The following HDGF variants were observed in gnomAD, a reference collection of about 807,000 sequenced individuals.
The protein encoded by HDGF is hepatoma-derived growth factor.
HDGF carries 5 observed loss-of-function variants against 30.0 expected under a neutral mutation model. The observed-to-expected ratio is 0.17, with a 90% confidence interval of 0.09 to 0.35. The LOEUF (loss-of-function observed/expected upper bound fraction) is 0.35, where lower values mean the gene tolerates loss of function less well. HDGF is among the 10% of genes least tolerant of loss of function. The pLI, the probability that HDGF is intolerant of heterozygous loss-of-function variation, is 1.00. For missense variants in HDGF, 214 were observed against 302.8 expected, an observed-to-expected ratio of 0.71 and a Z score of 2.18; for synonymous variants, 133 against 112.7, an observed-to-expected ratio of 1.18 and a Z score of -1.14.
intron 1 of HDGF, among the ~76,000 whole-genome samples, chr1:156,764,366 T>G (rs1200954641): frequency 6.6e-6 from 1 of 151,930 alleles, no homozygotes; most frequent in Non-Finnish European, 1.5e-5. Flanking sequence ...GTAGCTGCTT[T>G]TTGTATTTTT....
chr1:156,744,531 C>G, intron 3 of HDGF, 183 bp from the exon 4 acceptor site: 1 of 1,556,840 alleles, frequency 6.4e-7, no homozygotes, highest in Non-Finnish European at 8.6e-7. Flanking sequence ...GGTAAACCCA[C>G]TGGCCGGGCA....
chr1:156,751,941 T>G, upstream of HDGF: 1 of 1,152,324 alleles, frequency 8.7e-7, no homozygotes, highest in Non-Finnish European at 1.2e-6. The surrounding 1 kb of genome is among the most constrained non-coding windows in gnomAD (Gnocchi z 4.7). Flanking sequence ...AGGCTTTGTG[T>G]GCCCGCGGTC....
chr1:156,766,240 C>T (rs1277203704), intron 1 of HDGF, among the ~76,000 whole-genome samples: 2 of 152,196 alleles, frequency 1.3e-5, no homozygotes, highest in Admixed American at 1.3e-4. Context: ...TTCACTGTCT[C>T]TCTGCATTGT....
At chr1:156,758,405 C>G (rs1651186833) in intron 2 of HDGF, among the ~76,000 whole-genome samples, 1 of 151,868 alleles carries the variant, frequency 6.6e-6, no homozygotes, top group Non-Finnish European at 1.5e-5. Context: ...TCCTGGCTAA[C>G]ACGGTGAAAC....
intron 1 of HDGF, chr1:156,750,878 A>C (rs1333755676): frequency 2.0e-5 from 3 of 151,878 alleles, no homozygotes; most frequent in African/African-American, 7.3e-5. Context: ...CCATTTATCC[A>C]CGAAGAGAAG....
At chr1:156,756,018 A>G (rs1002651174), upstream of HDGF, among the ~76,000 whole-genome samples, 9 of 152,222 alleles carry the variant, frequency 5.9e-5, no homozygotes, top group African/African-American at 1.9e-4. Context: ...TGGGAGGCCA[A>G]GGTGGGCAGA....
chr1:156,744,586 A>G, intron 3 of HDGF: 2 of 1,502,456 alleles, frequency 1.3e-6, no homozygotes, highest in Non-Finnish European at 1.8e-6. Context: ...GCAGGAGGCA[A>G]AACCTCGGGT....
intron 1 of HDGF, among the ~76,000 whole-genome samples, chr1:156,765,000 C>T (rs531631976): frequency 2.4e-4 from 37 of 152,076 alleles, no homozygotes; most frequent in Non-Finnish European, 4.1e-4. Context: ...AATCATTTCT[C>T]TTAGTTCTAA....
chr1:156,763,176 A>T (rs1651283336), intron 1 of HDGF, among the ~76,000 whole-genome samples: 1 of 152,066 alleles, frequency 6.6e-6, no homozygotes, highest in African/African-American at 2.4e-5. Flanking sequence ...GTAGGGTTTT[A>T]GGAGGGAAAC....
chr1:156,757,983 C>T (rs1420218146), intron 2 of HDGF, among the ~76,000 whole-genome samples: 1 of 151,988 alleles, frequency 6.6e-6, no homozygotes. Flanking sequence ...ACTGGAGCTG[C>T]ACATTGGAGT....
Position 156,751,249 on chromosome 1 carries a change from C to T in HDGF, c.87+94G>A. 3 of 1,433,292 alleles carry T rather than the reference C, an allele frequency of 2.1e-6. No individual in the cohort carries two copies. Among genetic ancestry groups the T allele is most frequent in the South Asian group, 1.4e-5 (1 of 73,764 alleles). 88.8% of individuals were successfully genotyped at this position (1,433,292 alleles called of 1,614,324 possible). On this transcript the variant is annotated intron_variant, in intron 1 of 5. Coordinates refer to ENST00000357325, the MANE Select transcript of HDGF (RefSeq NM_004494.3). The surrounding 1 kb of genome is among the most constrained non-coding windows in gnomAD (Gnocchi z 4.7). Reference sequence around the variant, plus strand: ...AGACCTACAAGCCCCCTGCCCCCACCTCTGCCCGCTCCGCGCGGAGCGCTC... The same window carrying T: ...AGACCTACAAGCCCCCTGCCCCCACTTCTGCCCGCTCCGCGCGGAGCGCTC...
chr1:156,751,558 GC>G lies in HDGF; in HGVS notation c.-130del, dbSNP rs1650979774. On this transcript the variant is annotated 5_prime_UTR_variant, in exon 1 of 6. Coordinates refer to ENST00000357325, the MANE Select transcript of HDGF (RefSeq NM_004494.3). The surrounding 1 kb of genome is among the most constrained non-coding windows in gnomAD (Gnocchi z 4.7). ...GCCCCCGCCTCGATGGTGGCCCCCG[GC>G]CCGAGCTCCGGCGCGGCCACGGCGT... 1.0e-6 allele frequency: 1 copy of G among 992,804 alleles called. No homozygotes were observed. Among genetic ancestry groups the G allele is most frequent in the Non-Finnish European group, 1.2e-6 (1 of 834,894 alleles). 61.5% of individuals were successfully genotyped at this position (992,804 alleles called of 1,614,324 possible).
At chr1:156,750,883 G>GAGA (rs147643099) in intron 1 of HDGF, among the ~76,000 whole-genome samples, 6,351 of 151,984 alleles carry the variant, frequency 0.042, 175 homozygotes, top group African/African-American at 0.064. Context: ...TATCCACGAA[G>GAGA]AGAAGAGTTT....
At chr1:156,745,175 A>G in intron 2 of HDGF, 29 bp from the exon 3 acceptor site, 1 of 1,613,696 alleles carries the variant, frequency 6.2e-7, no homozygotes, top group Non-Finnish European at 8.5e-7. Flanking sequence ...CTGTGCTCTC[A>G]AGCCCCTCAC....
intron 1 of HDGF, chr1:156,747,533 A>G (rs1367054864): frequency 6.6e-6 from 1 of 151,442 alleles, no homozygotes; most frequent in Non-Finnish European, 1.5e-5. Flanking sequence ...GCAAAAAACA[A>G]AACGAGCGCC....
chr1:156,757,701 G>A (rs1285250525), intron 2 of HDGF, among the ~76,000 whole-genome samples: 2 of 148,950 alleles, frequency 1.3e-5, no homozygotes, highest in African/African-American at 2.5e-5. Flanking sequence ...GCTGAGGCCC[G>A]ATAATCACTT....
intron 1 of HDGF, 109 bp from the exon 2 acceptor site, chr1:156,745,482 C>T: frequency 1.2e-6 from 1 of 866,400 alleles, no homozygotes; most frequent in Non-Finnish European, 1.8e-6. Context: ...TGAGAGGGAC[C>T]CAGGATAGTC....
chr1:156,745,183 C>A, intron 2 of HDGF, 37 bp from the exon 3 acceptor site: 1 of 1,613,708 alleles, frequency 6.2e-7, no homozygotes, highest in Non-Finnish European at 8.5e-7. Flanking sequence ...TCAAGCCCCT[C>A]ACTGCCCCTG....
rs760700751 is a variant in HDGF, at chr1:156,745,273, T to C, written c.164+24A>G. 6 of 1,612,704 alleles carry C rather than the reference T, an allele frequency of 3.7e-6. No individual in the cohort carries two copies. In the South Asian group the frequency reaches 6.6e-5, roughly 18 times the overall value. On this transcript the variant is annotated intron_variant, in intron 2 of 5. Coordinates refer to ENST00000357325, the MANE Select transcript of HDGF (RefSeq NM_004494.3). ...TAGTCCTCCCGGGGCCCTCCCGACC[T>C]ATACCCCTTTGGCCTCCACTCACGT...
Sources: gnomAD v4.1 joint callset for allele counts (sites outside exome capture counted in the v4.1 genomes callset) on GRCh38, gnomAD v4.1.1 for gene constraint, Gnocchi (gnomAD v3.1) non-coding constraint, MANE v1.5 for transcripts, NCBI Gene and HGNC (gene_info 2026-07-23, HGNC 2026-07-21) for gene names.